HCN4: variants seen among roughly 807,000 people sequenced by gnomAD.
The protein encoded by HCN4 is potassium/sodium hyperpolarization-activated cyclic nucleotide-gated channel 4.
A neutral mutation model predicts 76.9 loss-of-function variants in HCN4; 29 were observed. That is an observed-to-expected ratio of 0.38 (90% CI 0.28 to 0.51). The LOEUF (loss-of-function observed/expected upper bound fraction) is 0.51. Ranked by LOEUF, HCN4 falls within the 20% of genes least tolerant of loss-of-function variation. HCN4 has a pLI of 0.90. For synonymous variants in HCN4, 772 were observed against 762.5 expected, an observed-to-expected ratio of 1.01 and a Z score of -0.21; for missense variants, 1,416 against 1,715.2, an observed-to-expected ratio of 0.83 and a Z score of 3.08.
intron 2 of HCN4, among the ~76,000 whole-genome samples, chr15:73,334,822 T>C (rs1288539022): frequency 6.6e-6 from 1 of 152,090 alleles, no homozygotes; most frequent in East Asian, 1.9e-4. Context: ...TTAAGCTCCT[T>C]CTCTTCCCAG....
intron 2 of HCN4, among the ~76,000 whole-genome samples, chr15:73,332,813 G>C (rs1488024649): frequency 2.0e-5 from 3 of 152,202 alleles, no homozygotes; most frequent in Non-Finnish European, 4.4e-5. Context: ...AGTTCAGGCA[G>C]ACCTTGATCC....
chr15:73,343,896 G>A lies in HCN4; in HGVS notation c.786-88C>T. ...AGGAAGATCTGAGGGACAGCATCTG[G>A]GACAGAGAAGTCTTGGGAGGTTCTG... is the stretch of plus-strand genomic sequence containing the variant. On this transcript the variant is annotated intron_variant, in intron 1 of 7. Coordinates refer to ENST00000261917, the MANE Select transcript of HCN4 (RefSeq NM_005477.3). The surrounding 1 kb of genome is among the most constrained non-coding windows in gnomAD (Gnocchi z 5.7). 7.2e-7 allele frequency: 1 copy of A among 1,397,370 alleles called. No individual in the cohort carries two copies. Among genetic ancestry groups the A allele is most frequent in the Non-Finnish European group, 1.0e-6 (1 of 990,582 alleles). The allele number at this position is 1,397,370 out of a possible 1,614,324, so 86.6% of individuals were successfully genotyped here.
At chr15:73,345,537 C>G (rs934748465) in intron 1 of HCN4, among the ~76,000 whole-genome samples, 4 of 152,148 alleles carry the variant, frequency 2.6e-5, no homozygotes, top group African/African-American at 9.7e-5. Context: ...ATGCAGCACA[C>G]CTGCTAATGA....
At chr15:73,334,334 T>C (rs534093658) in intron 2 of HCN4, among the ~76,000 whole-genome samples, 31 of 152,106 alleles carry the variant, frequency 2.0e-4, no homozygotes, top group Non-Finnish European at 4.0e-4. Flanking sequence ...GATTATGAAT[T>C]TGGGGTCTCT....
chr15:73,336,797 A>G (rs1436267012), intron 2 of HCN4, among the ~76,000 whole-genome samples: 1 of 152,060 alleles, frequency 6.6e-6, no homozygotes, highest in African/African-American at 2.4e-5. Flanking sequence ...CGCCCCTCCA[A>G]GCCACTCTCA....
At chr15:73,361,526 G>A (rs570018908) in intron 1 of HCN4, among the ~76,000 whole-genome samples, 4 of 152,324 alleles carry the variant, frequency 2.6e-5, no homozygotes, top group East Asian at 1.9e-4. Context: ...ACTGGCAGTC[G>A]CAGCTTTGTA....
chr15:73,354,854 G>C (rs1191564452), intron 1 of HCN4, among the ~76,000 whole-genome samples: 2 of 152,128 alleles, frequency 1.3e-5, no homozygotes, highest in Non-Finnish European at 2.9e-5. Flanking sequence ...AGGATCCTGA[G>C]GGACACAAAT....
In HCN4 at chr15:73,323,155, C is replaced by T. The variant is rs780719805; in HGVS notation, c.2938G>A (p.Gly980Arg). 2.3e-5 allele frequency: 36 copies of T among 1,574,306 alleles called. No individual in the cohort carries two copies. Among genetic ancestry groups the T allele is most frequent in the African/African-American group, 9.5e-5 (7 of 73,696 alleles). The change falls in exon 8 of 8, where the codon GGG becomes AGG. Residue 980 changes from glycine (G) to arginine (R), a missense_variant. Transcript: ENST00000261917. ...SSPGQLGQPP[G>R]ELSLGLATGP... ...GTGGCCAGACCTAGGGACAACTCCCCGGGAGGCTGGCCCAGCTGCCCGGGG... is the reference window on the plus strand; with the variant it reads ...GTGGCCAGACCTAGGGACAACTCCCTGGGAGGCTGGCCCAGCTGCCCGGGG...
intron 1 of HCN4, among the ~76,000 whole-genome samples, chr15:73,346,451 G>C (rs902123066): frequency 6.6e-6 from 1 of 152,160 alleles, no homozygotes; most frequent in Non-Finnish European, 1.5e-5. Context: ...GCAGGAAAGA[G>C]GTAAGAGGGA....
At chr15:73,335,054 A>C (rs1007462509) in intron 2 of HCN4, among the ~76,000 whole-genome samples, 4 of 152,142 alleles carry the variant, frequency 2.6e-5, no homozygotes, top group African/African-American at 4.8e-5. Context: ...AAGTCAGAAA[A>C]AAAAAAGGCC....
chr15:73,323,556 G>C lies in HCN4; in HGVS notation c.2537C>G (p.Pro846Arg). 1 of 1,600,944 alleles carries C rather than the reference G, an allele frequency of 6.2e-7. No individual in the cohort carries two copies. Among genetic ancestry groups the C allele is most frequent in the Non-Finnish European group, 8.5e-7 (1 of 1,179,842 alleles). Reference protein sequence around the residue: ...ALGSASPASSPSQVDTPSSSS... With the variant: ...ALGSASPASSRSQVDTPSSSS... ...TGAAGACGGTGTGTCCACCTGGGAC[G>C]GGCTGCTGGCGGGCGAGGCGGAGCC... Residue 846 changes from proline to arginine, a missense_variant, in exon 8 of 8, where the codon CCG becomes CGG. This residue lies in a region of HCN4 where 633 missense variants were observed against 579.8 expected (regional missense o/e 1.09). Coordinates refer to ENST00000261917, the MANE Select transcript of HCN4 (RefSeq NM_005477.3).
At chr15:73,330,244 C>A (rs966495123) in intron 3 of HCN4, among the ~76,000 whole-genome samples, 1 of 152,240 alleles carries the variant, frequency 6.6e-6, no homozygotes, top group Non-Finnish European at 1.5e-5. Flanking sequence ...CAAGCTCTGG[C>A]GGACTGAGCC....
rs2043018808 is a variant in HCN4, at chr15:73,343,844, G to T, written c.786-36C>A. ...ACACAGGGGTCAGTCGCCAGGAAGA[G>T]AGAGAGGACAAGTTACAGACTAAGG... On this transcript the variant is annotated intron_variant, in intron 1 of 7. Coordinates refer to ENST00000261917, the MANE Select transcript of HCN4 (RefSeq NM_005477.3). This position sits in a 1 kb window ranked among gnomAD's most constrained non-coding sequence, Gnocchi z 5.7. The T allele has an allele frequency of 1.9e-6, 3 of 1,606,738 alleles. No homozygotes were observed. The highest frequency in any genetic ancestry group is 1.3e-5 in the African/African-American group (1 of 74,766).
rs2043135950 is a variant in HCN4, at chr15:73,367,797, C to T, written c.474G>A (p.Ser158=). Reference sequence around the variant, plus strand: ...GCGGCGGCGAGGCTGCGGGCTGCGCCGAGGCGCCGGGGCGCTCGGGCTCGG... The same window carrying T: ...GCGGCGGCGAGGCTGCGGGCTGCGCTGAGGCGCCGGGGCGCTCGGGCTCGG... ...LAAEPERPGA[S]AQPAASPPPP... Residue 158 remains serine, a synonymous_variant, in exon 1 of 8, where the codon TCG becomes TCA. Coordinates refer to ENST00000261917, the MANE Select transcript of HCN4 (RefSeq NM_005477.3). This position sits in a 1 kb window ranked among gnomAD's most constrained non-coding sequence, Gnocchi z 7.5. 7.8e-7 allele frequency: 1 copy of T among 1,288,592 alleles called. No homozygotes were observed. Among genetic ancestry groups the T allele is most frequent in the African/African-American group, 1.6e-5 (1 of 64,120 alleles). 79.8% of individuals were successfully genotyped at this position (1,288,592 alleles called of 1,614,324 possible). A position where few individuals can be genotyped will look rare whatever the true frequency, so the allele number is the denominator to read the frequency against.
chr15:73,325,115 G>A lies in HCN4; in HGVS notation c.1818C>T (p.Ser606=), dbSNP rs1247778865. Residue 606 remains serine, a synonymous_variant, in exon 6 of 8, where the codon TCC becomes TCT. Coordinates refer to ENST00000261917, the MANE Select transcript of HCN4 (RefSeq NM_005477.3). This position sits in a 1 kb window ranked among gnomAD's most constrained non-coding sequence, Gnocchi z 7.4. ...FANADPNFVT[S]MLTKLRFEVF... ...CCTCGAAACGCAGCTTGGTCAGCAT[G>A]GACGTCACGAAGTTGGGGTCCGCAT... The A allele has an allele frequency of 6.8e-6, 11 of 1,614,130 alleles. No homozygotes were observed. Among genetic ancestry groups the A allele is most frequent in the South Asian group, 2.2e-5 (2 of 91,086 alleles).
chr15:73,322,347 T>C lies in HCN4; in HGVS notation c.*134A>G. ...AAGAATACCTGGTTATTTTCTGCTGTCTTTTGTTTTTCTGGTGTGTGTGGT... is the reference window on the plus strand; with the variant it reads ...AAGAATACCTGGTTATTTTCTGCTGCCTTTTGTTTTTCTGGTGTGTGTGGT... On this transcript the variant is annotated 3_prime_UTR_variant, in exon 8 of 8. Transcript: ENST00000261917. 1.2e-6 allele frequency: 1 copy of C among 818,212 alleles called. No homozygotes were observed. The highest frequency in any genetic ancestry group is 2.7e-5 in the East Asian group (1 of 36,634). 50.7% of individuals were successfully genotyped at this position (818,212 alleles called of 1,614,324 possible).
In HCN4 at chr15:73,322,154, C is replaced by T. The variant is rs935320056; in HGVS notation, c.*327G>A. 3 of 366,248 alleles carry T rather than the reference C, an allele frequency of 8.2e-6. No individual in the cohort carries two copies. The highest frequency in any genetic ancestry group is 3.9e-5 in the Admixed American group (1 of 25,580). The allele number at this position is 366,248 out of a possible 1,614,324, so 22.7% of individuals were successfully genotyped here. On this transcript the variant is annotated 3_prime_UTR_variant, in exon 8 of 8. Transcript: ENST00000261917. ...ACAATGACACATCTGCTCTAAGAACCGCCAACACTGGCCACTCCCACCCCT... is the reference window on the plus strand; with the variant it reads ...ACAATGACACATCTGCTCTAAGAACTGCCAACACTGGCCACTCCCACCCCT...
intron 2 of HCN4, among the ~76,000 whole-genome samples, chr15:73,340,618 C>A (rs571742105): frequency 6.6e-6 from 1 of 152,206 alleles, no homozygotes; most frequent in Non-Finnish European, 1.5e-5. Flanking sequence ...CTCAGACCAC[C>A]TGCCACATCT....
intron 4 of HCN4, among the ~76,000 whole-genome samples, chr15:73,329,237 C>T (rs1467917170): frequency 1.3e-5 from 2 of 152,282 alleles, no homozygotes; most frequent in Admixed American, 6.5e-5. Flanking sequence ...TCCTGGAGAA[C>T]GAGTGAGCAG....
Sources: allele counts gnomAD v4.1 joint callset (sites outside exome capture counted in the v4.1 genomes callset), GRCh38; gene constraint gnomAD v4.1.1; regional missense constraint gnomAD v4.1.1; non-coding constraint Gnocchi (gnomAD v3.1); transcripts MANE v1.5; gene names NCBI Gene and HGNC (gene_info 2026-07-23, HGNC 2026-07-21).